Variants in LRGUK observed in about 807,000 individuals in gnomAD.
The protein encoded by LRGUK is leucine-rich repeat and guanylate kinase domain-containing protein.
In LRGUK, 65 loss-of-function variants were observed where a neutral mutation model predicts 76.0. The ratio of observed to expected loss-of-function variants is 0.85; its 90% CI spans 0.70 to 1.05. The LOEUF (loss-of-function observed/expected upper bound fraction) is 1.05, where lower values mean the gene tolerates loss of function less well. Among genes scored for constraint, LRGUK ranks in the 50% least tolerant of loss-of-function variants. The pLI is 0.00. For missense variants in LRGUK, 758 were observed against 732.8 expected, an observed-to-expected ratio of 1.03 and a Z score of -0.40; for synonymous variants, 268 against 265.6, an observed-to-expected ratio of 1.01 and a Z score of -0.09.
chr7:134,224,676 AC>A (rs1801689635), intron 16 of LRGUK, among the ~76,000 whole-genome samples: 1 of 151,812 alleles, frequency 6.6e-6, no homozygotes, highest in South Asian at 2.1e-4. Flanking sequence ...CTGCACATAT[AC>A]CCCTGAACTT....
intron 7 of LRGUK, among the ~76,000 whole-genome samples, chr7:134,166,899 G>A (rs1370994947): frequency 6.6e-6 from 1 of 152,140 alleles, no homozygotes; most frequent in East Asian, 1.9e-4. Flanking sequence ...TCACATACGT[G>A]AGCAAAAGGA....
chr7:134,275,426 G>C, the LRGUK span, among the ~76,000 whole-genome samples: 1 of 152,154 alleles, frequency 6.6e-6, no homozygotes, highest in Non-Finnish European at 1.5e-5. Context: ...GAGTCTGCTT[G>C]ATTTCTGTAT....
At chr7:134,210,910 G>T (rs1267314568), downstream of LRGUK, among the ~76,000 whole-genome samples, 1 of 152,254 alleles carries the variant, frequency 6.6e-6, no homozygotes, top group Non-Finnish European at 1.5e-5. Context: ...CTACTGTGGA[G>T]CAGGGCAGCT....
At chr7:134,198,855 C>T (rs1800628956) in intron 13 of LRGUK, among the ~76,000 whole-genome samples, 1 of 152,214 alleles carries the variant, frequency 6.6e-6, no homozygotes, top group African/African-American at 2.4e-5. Context: ...TGGTGCTCCA[C>T]AGAACCCTTT....
chr7:134,189,152 T>A (rs1435765632), intron 11 of LRGUK, among the ~76,000 whole-genome samples: 2 of 152,178 alleles, frequency 1.3e-5, no homozygotes. Context: ...TCTAACTTAG[T>A]CCTTTTCTGT....
At chr7:134,250,761 C>T (rs989711516) in intron 18 of LRGUK, among the ~76,000 whole-genome samples, 1 of 152,074 alleles carries the variant, frequency 6.6e-6, no homozygotes, top group Non-Finnish European at 1.5e-5. Context: ...TGTTTGAGCT[C>T]TGAATTGTTA....
At chr7:134,206,703 A>G (rs1437394745) in intron 15 of LRGUK, among the ~76,000 whole-genome samples, 1 of 152,142 alleles carries the variant, frequency 6.6e-6, no homozygotes, top group African/African-American at 2.4e-5. Flanking sequence ...AAAATAAGGT[A>G]AAAACTATAT....
At chr7:134,254,856 G>C (rs1253733624) in intron 18 of LRGUK, among the ~76,000 whole-genome samples, 1 of 152,168 alleles carries the variant, frequency 6.6e-6, no homozygotes, top group Non-Finnish European at 1.5e-5. Context: ...AGCAATTAAA[G>C]ATCAGGGTTC....
At chr7:134,248,922 T>G (rs1802375158) in intron 17 of LRGUK, 29 bp from the exon 18 acceptor site, 1 of 1,411,964 alleles carries the variant, frequency 7.1e-7, no homozygotes. Flanking sequence ...TCCTTTGGTT[T>G]TTTTTTTTTT....
chr7:134,190,842 G>T (rs1266755673), intron 11 of LRGUK, among the ~76,000 whole-genome samples: 1 of 119,916 alleles, frequency 8.3e-6, no homozygotes, highest in Non-Finnish European at 1.8e-5. Flanking sequence ...TGTTCTGCTG[G>T]GAAAGATAGG....
At chr7:134,180,802 T>C (rs1198988522) in intron 10 of LRGUK, among the ~76,000 whole-genome samples, 2 of 152,186 alleles carry the variant, frequency 1.3e-5, no homozygotes, top group Non-Finnish European at 2.9e-5. Flanking sequence ...ATCAAGTACA[T>C]TCATAATGTT....
chr7:134,203,370 A>G (rs1451152299), intron 15 of LRGUK, among the ~76,000 whole-genome samples: 1 of 152,154 alleles, frequency 6.6e-6, no homozygotes, highest in African/African-American at 2.4e-5. Flanking sequence ...TTTGTGTTTT[A>G]GCGGTTGTGA....
At chr7:134,147,772 G>C (rs1240585282) in intron 4 of LRGUK, among the ~76,000 whole-genome samples, 1 of 152,050 alleles carries the variant, frequency 6.6e-6, no homozygotes, top group African/African-American at 2.4e-5. Flanking sequence ...GTTAGAAAAT[G>C]ATTAAATGAT....
At chr7:134,188,763 C>A (rs1420619505) in intron 11 of LRGUK, among the ~76,000 whole-genome samples, 1 of 152,170 alleles carries the variant, frequency 6.6e-6, no homozygotes, top group Non-Finnish European at 1.5e-5. Context: ...CACTTACTAA[C>A]AATGTGATGT....
intron 19 of LRGUK, among the ~76,000 whole-genome samples, chr7:134,263,626 T>C (rs1051570527): frequency 4.8e-5 from 7 of 145,776 alleles, no homozygotes; most frequent in Non-Finnish European, 1.1e-4. Context: ...TTTCTTTCTT[T>C]TTTTTTTTTT....
downstream of LRGUK, among the ~76,000 whole-genome samples, chr7:134,266,851 A>G (rs1252196091): frequency 1.3e-5 from 2 of 152,338 alleles, no homozygotes; most frequent in South Asian, 4.1e-4. Context: ...ACACATAATA[A>G]TCACACTACT....
exon 12 of LRGUK, chr7:134,191,655 G>T (rs1307363669): frequency 1.2e-6 from 2 of 1,602,606 alleles, no homozygotes; most frequent in African/African-American, 1.3e-5. Context: ...ATGATTTCAG[G>T]GCCTGTCATA....
At chr7:134,166,743 C>T (rs1799003448) in intron 7 of LRGUK, among the ~76,000 whole-genome samples, 1 of 152,174 alleles carries the variant, frequency 6.6e-6, no homozygotes, top group South Asian at 2.1e-4. Flanking sequence ...TTATTCCACT[C>T]AATTTTTGTG....
intron 7 of LRGUK, among the ~76,000 whole-genome samples, chr7:134,171,862 C>T (rs960949226): frequency 1.3e-5 from 2 of 152,050 alleles, no homozygotes; most frequent in African/African-American, 2.4e-5. Context: ...GTGGAGTCCT[C>T]GGGGTAGGTT....
Sources: gnomAD v4.1 joint callset for allele counts (sites outside exome capture counted in the v4.1 genomes callset) on GRCh38, gnomAD v4.1.1 for gene constraint, MANE v1.5 for transcripts, NCBI Gene and HGNC (gene_info 2026-07-23, HGNC 2026-07-21) for gene names.